TEX22: variants seen among roughly 807,000 people sequenced by gnomAD.
TEX22 encodes testis expressed 22.
Under a neutral mutation model 11.3 loss-of-function variants are expected in TEX22, and 16 were observed. The observed-to-expected ratio is 1.42, with a 90% CI of 0.96 to 2.15. The LOEUF is 2.15. Ranked by LOEUF, TEX22 falls within the 30% of genes most tolerant of loss-of-function variation. TEX22 has a pLI of 0.00. For synonymous variants in TEX22, 97 were observed against 92.3 expected (o/e 1.05, Z -0.29); for missense variants, 220 against 208.6 (o/e 1.05, Z -0.34).
In TEX22 at chr14:105,411,458, G is replaced by T; in HGVS notation, c.241G>T (p.Glu81Ter). Reference protein sequence around the residue: ...RRRLATLGGRERPGAAGTQLH... With the variant: ...RRRLATLGGR ...GCGGCTGGCCACGCTGGGCGGCCGG[G>T]AGAGGCCGGGCGCCGCCGGGACCCA... Residue 81 changes from glutamate (E) to a stop codon, truncating the protein, a stop_gained, in exon 3 of 4, where the codon GAG (glutamate) becomes TAG (stop). Transcript: ENST00000451127. LOFTEE classifies it low-confidence loss of function (END_TRUNC). 8.1e-7 allele frequency: 1 copy of T among 1,234,042 alleles called. No individual in the cohort carries two copies. The highest frequency in any genetic ancestry group is 3.3e-5 in the East Asian group (1 of 30,320). The allele number at this position is 1,234,042 out of a possible 1,614,324, so 76.4% of individuals were successfully genotyped here. A position where few individuals can be genotyped will look rare whatever the true frequency, so the allele number is the denominator to read the frequency against.
Position 105,411,648 on chromosome 14 carries a change from C to T in TEX22, c.280-12C>T. 1.3e-6 allele frequency: 2 copies of T among 1,526,228 alleles called. No homozygotes were observed. Among genetic ancestry groups the T allele is most frequent in the East Asian group, 2.6e-5 (1 of 39,146 alleles). 94.5% of individuals were successfully genotyped at this position (1,526,228 alleles called of 1,614,324 possible). On this transcript the variant is annotated splice_polypyrimidine_tract_variant and intron_variant, in intron 3 of 3. Transcript: ENST00000451127. ...CCGCCCCTCGAGGCTCCCTGACCAC[C>T]CTCGCCCGCAGGACGTCGTGCAGAT...
Position 105,411,655 on chromosome 14 carries a change from C to G in TEX22, c.280-5C>G, listed in dbSNP as rs1555419406. The G allele has an allele frequency of 2.0e-6, 3 of 1,526,710 alleles. No homozygotes were observed. In the African/African-American group the frequency reaches 4.2e-5, roughly 21 times the overall value. 94.6% of individuals were successfully genotyped at this position (1,526,710 alleles called of 1,614,324 possible). A position where few individuals can be genotyped will look rare whatever the true frequency, so the allele number is the denominator to read the frequency against. On this transcript the variant is annotated splice_region_variant and splice_polypyrimidine_tract_variant and intron_variant, in intron 3 of 3. Transcript: ENST00000451127. Reference sequence around the variant, plus strand: ...TCGAGGCTCCCTGACCACCCTCGCCCGCAGGACGTCGTGCAGATGGTAGCC... The same window carrying G: ...TCGAGGCTCCCTGACCACCCTCGCCGGCAGGACGTCGTGCAGATGGTAGCC...
intron 2 of TEX22, among the ~76,000 whole-genome samples, chr14:105,402,599 CA>C (rs1202991023): frequency 5.0e-4 from 76 of 151,046 alleles, no homozygotes; most frequent in Middle Eastern, 3.4e-3. Flanking sequence ...CTAAAAAATA[CA>C]AAAAAATTAG....
chr14:105,399,481 T>C lies in TEX22; in HGVS notation c.141T>C (p.Thr47=). 6.5e-7 allele frequency: 1 copy of C among 1,534,380 alleles called. No individual in the cohort carries two copies. The highest frequency in any genetic ancestry group is 8.7e-7 in the Non-Finnish European group (1 of 1,145,986). ...IQSSVQQGLQ[T]QDWVCEPPER... The stretch of plus-strand genomic sequence containing the variant: ...GCAGCGTTCAGCAGGGACTGCAGAC[T>C]CAGGACTGGGTAAGCGGAAGGAAAC... The change falls in exon 2 of 4, where the codon ACT becomes ACC. Residue 47 remains threonine (T), a synonymous_variant. Coordinates refer to ENST00000451127, the MANE Select transcript of TEX22 (RefSeq NM_001195082.2).
In TEX22 at chr14:105,413,543, G is replaced by A. The variant is rs1285095612; in HGVS notation, c.*1710G>A. The stretch of plus-strand genomic sequence containing the variant: ...TGTCTCCTGAGGCTGCAGTCAGAGC[G>A]TGGTGGTCCAGGATGCTGGTGATGC... On this transcript the variant is annotated 3_prime_UTR_variant, in exon 4 of 4. Coordinates refer to ENST00000451127, the MANE Select transcript of TEX22 (RefSeq NM_001195082.2). The surrounding 1 kb of genome is among the most constrained non-coding windows in gnomAD (Gnocchi z 4.2). 6.6e-6 allele frequency: 1 copy of A among 152,384 alleles called. No individual in the cohort carries two copies. Among genetic ancestry groups the A allele is most frequent in the African/African-American group, 2.4e-5 (1 of 41,444 alleles). 9.4% of individuals were successfully genotyped at this position (152,384 alleles called of 1,614,324 possible).
At chr14:105,399,157 G>C (rs587663710) in intron 1 of TEX22, 145 bp from the exon 2 acceptor site, 2 of 593,334 alleles carry the variant, frequency 3.4e-6, no homozygotes, top group East Asian at 2.8e-5. Context: ...CCACCCAGAG[G>C]GGTCAGTGAT....
At chr14:105,407,213 G>A (rs2081663128) in intron 2 of TEX22, among the ~76,000 whole-genome samples, 1 of 151,674 alleles carries the variant, frequency 6.6e-6, no homozygotes, top group South Asian at 2.1e-4. Flanking sequence ...GATTACAGGT[G>A]CACACCACCA....
intron 2 of TEX22, among the ~76,000 whole-genome samples, chr14:105,402,512 T>G (rs1228060143): frequency 6.6e-6 from 1 of 151,900 alleles, no homozygotes; most frequent in Non-Finnish European, 1.5e-5. Context: ...CCCAGCACTT[T>G]GGGAGGCTGG....
chr14:105,399,231 G>A (rs2081608502), intron 1 of TEX22, 71 bp from the exon 2 acceptor site: 1 of 867,384 alleles, frequency 1.2e-6, no homozygotes, highest in Non-Finnish European at 1.7e-6. Context: ...TGCCCCCAGG[G>A]ACTCAGGTAT....
intron 2 of TEX22, among the ~76,000 whole-genome samples, chr14:105,401,638 C>T (rs772242649): frequency 2.0e-5 from 3 of 151,360 alleles, no homozygotes; most frequent in Non-Finnish European, 2.9e-5. Flanking sequence ...TGCTAAATGA[C>T]GAGTTAATGG....
chr14:105,401,904 C>T (rs782709541), intron 2 of TEX22, among the ~76,000 whole-genome samples: 2 of 152,200 alleles, frequency 1.3e-5, no homozygotes, highest in Admixed American at 6.5e-5. Flanking sequence ...TCAGAAAAAT[C>T]GCCAGGTGCG....
At chr14:105,399,142 C>T (rs115106598) in intron 1 of TEX22, among the ~76,000 whole-genome samples, 160 bp from the exon 2 acceptor site, 4,185 of 152,248 alleles carry the variant, frequency 0.027, 204 homozygotes, top group African/African-American at 0.094. Flanking sequence ...GCTGGGGGAT[C>T]CACTCCACCC....
chr14:105,407,707 A>C (rs1289286835), intron 2 of TEX22, among the ~76,000 whole-genome samples: 1 of 152,008 alleles, frequency 6.6e-6, no homozygotes, highest in Admixed American at 6.6e-5. Flanking sequence ...TTCAGTCTTT[A>C]TTTTCTTTTT....
chr14:105,407,032 G>A (rs749698786), intron 2 of TEX22, among the ~76,000 whole-genome samples: 63 of 150,380 alleles, frequency 4.2e-4, no homozygotes, highest in Non-Finnish European at 8.1e-4. Flanking sequence ...TGATTTCATC[G>A]TTCGTTTCTC....
chr14:105,407,829 G>A (rs1267089269), intron 2 of TEX22, among the ~76,000 whole-genome samples: 2 of 148,064 alleles, frequency 1.4e-5, no homozygotes, highest in Non-Finnish European at 3.0e-5. Flanking sequence ...GCAGAACCCT[G>A]TGTTATGGGG....
chr14:105,408,889 G>A (rs1350533618), intron 2 of TEX22, among the ~76,000 whole-genome samples: 1 of 152,114 alleles, frequency 6.6e-6, no homozygotes, highest in Admixed American at 6.6e-5. Flanking sequence ...CGTGACCGTG[G>A]GATGGCCGTG....
At chr14:105,410,100 G>A (rs1158311312) in intron 2 of TEX22, among the ~76,000 whole-genome samples, 4 of 151,968 alleles carry the variant, frequency 2.6e-5, no homozygotes, top group African/African-American at 4.8e-5. Context: ...TGTTTGAGAC[G>A]GAGTTTTGCT....
intron 2 of TEX22, 59 bp downstream of exon 2, chr14:105,399,549 G>C (rs1320217306): frequency 6.8e-7 from 1 of 1,463,452 alleles, no homozygotes; most frequent in South Asian, 1.3e-5. Context: ...GCCTGAGGCC[G>C]CTGTCTCTGA....
chr14:105,411,447 T>G lies in TEX22; in HGVS notation c.230T>G (p.Leu77Arg). The change falls in exon 3 of 4, where the codon CTG (leucine) becomes CGG (arginine). Residue 77 changes from leucine (L) to arginine (R), a missense_variant. Physicochemically the swap from Leu to Arg is moderately radical, Grantham distance 102. Transcript: ENST00000451127. ...SIDERRRLAT[L>R]GGRERPGAAG... ...GACGAGCGCCGGCGGCTGGCCACGC[T>G]GGGCGGCCGGGAGAGGCCGGGCGCC... The G allele has an allele frequency of 1.6e-6, 2 of 1,239,528 alleles. No individual in the cohort carries two copies. Among genetic ancestry groups the G allele is most frequent in the Non-Finnish European group, 2.0e-6 (2 of 995,772 alleles). The allele number at this position is 1,239,528 out of a possible 1,614,324, so 76.8% of individuals were successfully genotyped here.
Sources: allele counts gnomAD v4.1 joint callset (sites outside exome capture counted in the v4.1 genomes callset), GRCh38; gene constraint gnomAD v4.1.1; non-coding constraint Gnocchi (gnomAD v3.1); transcripts MANE v1.5; gene names NCBI Gene and HGNC (gene_info 2026-07-23, HGNC 2026-07-21).